PAK1: variants seen among roughly 807,000 people sequenced by gnomAD.
PAK1 encodes serine/threonine-protein kinase PAK 1.
In PAK1, 29 loss-of-function variants were observed where a neutral mutation model predicts 67.4. The observed-to-expected ratio is 0.43, with a 90% CI of 0.32 to 0.59. The LOEUF (loss-of-function observed/expected upper bound fraction) is 0.59, where lower values mean the gene tolerates loss of function less well. Among genes scored for constraint, PAK1 ranks in the 20% least tolerant of loss-of-function variants. PAK1 has a pLI of 0.07. For synonymous variants in PAK1, 223 were observed against 237.4 expected (o/e 0.94, Z 0.56); for missense variants, 337 against 670.7 (o/e 0.50, Z 5.50).
intron 1 of PAK1, among the ~76,000 whole-genome samples, chr11:77,416,001 C>A (rs1415520659): frequency 2.2e-5 from 1 of 45,910 alleles, no homozygotes; most frequent in Non-Finnish European, 5.1e-5. Context: ...TTATTAGAGA[C>A]AGAGTCTCAC....
In PAK1 at chr11:77,392,482, T is replaced by G. The variant is rs769921913; in HGVS notation, c.39A>C (p.Pro13=). ...NNGLDIQDKP[P]APPMRNTSTM... is the part of the protein sequence containing the mutation. ...TGCTGGTATTTCTCATCGGAGGGGC[T>G]GGGGGTTTGTCTTGAATGTCTAGGC... Residue 13 remains proline (P), a synonymous_variant, in exon 2 of 15, where the codon CCA becomes CCC. Transcript: ENST00000356341. 6.2e-7 allele frequency: 1 copy of G among 1,613,470 alleles called. No individual in the cohort carries two copies. The highest frequency in any genetic ancestry group is 8.5e-7 in the Non-Finnish European group (1 of 1,179,624).
Position 77,433,537 on chromosome 11 carries a change from TG to T in PAK1, c.-22+40014del, listed in dbSNP as rs567372648. On this transcript the variant is annotated intron_variant, in intron 1 of 14. Transcript: ENST00000356341. ...GCTCACACCTGTAATCCCAGCACTT[TG>T]GGGGGCCGAGGCAGGCGGATCATGA... Among the ~76,000 whole-genome samples the T allele has an allele frequency of 5.8e-3, 876 of 152,260 alleles. 20 individuals are homozygous for T. The highest frequency in any genetic ancestry group is 0.02 in the African/African-American group (851 of 41,530).
At chr11:77,349,414 C>A in intron 8 of PAK1, 127 bp from the exon 9 acceptor site, 1 of 721,648 alleles carries the variant, frequency 1.4e-6, no homozygotes, top group Admixed American at 2.1e-5. Context: ...TAATCCTCTC[C>A]CTGCAGCATC....
At chr11:77,410,244 T>A (rs1259738275) in intron 1 of PAK1, among the ~76,000 whole-genome samples, 1 of 152,144 alleles carries the variant, frequency 6.6e-6, no homozygotes. Flanking sequence ...CTACTTGACA[T>A]TCTTGCTCTC....
rs1376148834 is a variant in PAK1, at chr11:77,473,780, G to C, written c.-250C>G. The C allele has an allele frequency of 1.3e-5, 2 of 151,836 alleles. No individual in the cohort carries two copies. Among genetic ancestry groups the C allele is most frequent in the Admixed American group, 1.3e-4 (2 of 15,266 alleles). The allele number at this position is 151,836 out of a possible 1,614,324, so 9.4% of individuals were successfully genotyped here. On this transcript the variant is annotated 5_prime_UTR_variant, in exon 1 of 15. Transcript: ENST00000356341. Reference sequence around the variant, plus strand: ...GAGGCGACGCGGGCGGGGGGGGAAGGGGGGACTGAGGGGCGAGGTGCGAAG... The same window carrying C: ...GAGGCGACGCGGGCGGGGGGGGAAGCGGGGACTGAGGGGCGAGGTGCGAAG...
At chr11:77,432,455 A>G (rs1955904770) in intron 1 of PAK1, among the ~76,000 whole-genome samples, 1 of 152,000 alleles carries the variant, frequency 6.6e-6, no homozygotes, top group African/African-American at 2.4e-5. Context: ...GAAAAAAAAA[A>G]GAAATAAAGA....
the PAK1 span, among the ~76,000 whole-genome samples, chr11:77,495,802 C>G: frequency 6.6e-6 from 1 of 152,282 alleles, no homozygotes; most frequent in African/African-American, 2.4e-5. Context: ...AATACAAACT[C>G]TATGATTCTA....
At chr11:77,460,736 G>A (rs1288503036) in intron 1 of PAK1, among the ~76,000 whole-genome samples, 1 of 152,230 alleles carries the variant, frequency 6.6e-6, no homozygotes, top group East Asian at 1.9e-4. Flanking sequence ...TGAGGCAAGA[G>A]AACAGAATGA....
intron 1 of PAK1, among the ~76,000 whole-genome samples, chr11:77,395,084 G>A (rs754141694): frequency 6.6e-6 from 1 of 152,074 alleles, no homozygotes; most frequent in Non-Finnish European, 1.5e-5. Context: ...CTTCTGCCTA[G>A]AATACCAATT....
chr11:77,336,727 C>T (rs1942751701), intron 12 of PAK1, among the ~76,000 whole-genome samples: 1 of 152,110 alleles, frequency 6.6e-6, no homozygotes, highest in Admixed American at 6.6e-5. Context: ...TGCCCCAGAC[C>T]CAGGGCTGCT....
In PAK1 at chr11:77,334,318, G is replaced by A. The variant is rs574134490; in HGVS notation, c.1414-1451C>T. On this transcript the variant is annotated intron_variant, in intron 13 of 14. Coordinates refer to ENST00000356341, the MANE Select transcript of PAK1 (RefSeq NM_002576.5). ...GAGGGAAGAGTATGTTGTATGTGGA[G>A]TCAGAGGCAAAGCTGGGATCAAAGG... 7.9e-5 allele frequency among the ~76,000 whole-genome samples: 12 copies of A among 152,314 alleles called. No homozygotes were observed. In the East Asian group the frequency reaches 2.3e-3, roughly 29 times the overall value.
At chr11:77,360,748 C>G (rs899003435) in intron 5 of PAK1, among the ~76,000 whole-genome samples, 2 of 152,172 alleles carry the variant, frequency 1.3e-5, no homozygotes, top group Non-Finnish European at 2.9e-5. Context: ...CAGATTTTTA[C>G]TTCTTAGCCC....
the PAK1 span, among the ~76,000 whole-genome samples, chr11:77,522,877 A>G: frequency 6.6e-6 from 1 of 152,244 alleles, no homozygotes; most frequent in African/African-American, 2.4e-5. Flanking sequence ...ACACTATGGA[A>G]TATGACACAG....
the PAK1 span, among the ~76,000 whole-genome samples, chr11:77,490,223 ACTGT>A: frequency 7.9e-6 from 1 of 126,062 alleles, no homozygotes; most frequent in Non-Finnish European, 1.7e-5. Flanking sequence ...CAGCAACCAC[ACTGT>A]CTGGGAAGTG....
At chr11:77,482,603 T>C in the PAK1 span, among the ~76,000 whole-genome samples, 4 of 151,138 alleles carry the variant, frequency 2.6e-5, no homozygotes, top group African/African-American at 9.7e-5. Context: ...TTTTCTTTTT[T>C]TTTTTTTTGA....
chr11:77,468,430 G>A (rs1015279638), intron 1 of PAK1, among the ~76,000 whole-genome samples: 4 of 152,110 alleles, frequency 2.6e-5, no homozygotes, highest in African/African-American at 9.7e-5. Context: ...CTAAAAGAAT[G>A]GGAGAGAAGA....
chr11:77,326,362 A>C (rs919594697), intron 14 of PAK1, among the ~76,000 whole-genome samples: 3 of 152,128 alleles, frequency 2.0e-5, no homozygotes, highest in African/African-American at 7.2e-5. Context: ...ATAAAGTGTA[A>C]AGACTCCAAA....
intron 1 of PAK1, among the ~76,000 whole-genome samples, chr11:77,460,653 A>G (rs955855924): frequency 2.0e-5 from 3 of 152,130 alleles, no homozygotes; most frequent in Admixed American, 6.6e-5. Context: ...TAAAGATGCC[A>G]TAAAGCGAGA....
At chr11:77,424,731 T>C (rs932924362) in intron 1 of PAK1, among the ~76,000 whole-genome samples, 1 of 152,202 alleles carries the variant, frequency 6.6e-6, no homozygotes, top group African/African-American at 2.4e-5. Context: ...TCTTCAGGTG[T>C]CCTCTCCTCT....
Sources: allele counts gnomAD v4.1 joint callset (sites outside exome capture counted in the v4.1 genomes callset), GRCh38; gene constraint gnomAD v4.1.1; transcripts MANE v1.5; gene names NCBI Gene and HGNC (gene_info 2026-07-23, HGNC 2026-07-21).